NXPE2: variants seen among roughly 807,000 people sequenced by gnomAD.
NXPE2 encodes neurexophilin and PC-esterase domain family member 2, also known as NXPE family member 2.
NXPE2 carries 34 observed loss-of-function variants against 34.4 expected under a neutral mutation model. The ratio of observed to expected loss-of-function variants is 0.99; its 90% CI spans 0.75 to 1.31. The LOEUF is 1.31. Among genes scored for constraint, NXPE2 ranks in the 40% most tolerant of loss-of-function variants. The probability of loss-of-function intolerance (pLI) is 0.00; values close to 1 mark genes in which losing one functional copy is unlikely to be tolerated. For synonymous variants in NXPE2, 235 were observed against 231.3 expected (o/e 1.02, Z -0.15); for missense variants, 649 against 672.5 (o/e 0.97, Z 0.39).
the NXPE2 span, among the ~76,000 whole-genome samples, chr11:114,610,058 G>A: frequency 6.6e-6 from 1 of 151,762 alleles, no homozygotes; most frequent in East Asian, 2.0e-4. Context: ...TGGATAATAA[G>A]TCTTGCCTCA....
At chr11:114,465,490 G>C in the NXPE2 span, among the ~76,000 whole-genome samples, 1,184 of 152,248 alleles carry the variant, frequency 7.8e-3, 16 homozygotes, top group African/African-American at 0.027. Context: ...GATTATGAAG[G>C]AAGGGCATCA....
At chr11:114,572,944 T>A in the NXPE2 span, among the ~76,000 whole-genome samples, 5 of 152,002 alleles carry the variant, frequency 3.3e-5, no homozygotes, top group Admixed American at 6.6e-5. Context: ...AAGGAAAAAA[T>A]CTTAAGAGCT....
the NXPE2 span, among the ~76,000 whole-genome samples, chr11:114,651,521 G>A: frequency 6.6e-6 from 1 of 152,198 alleles, no homozygotes; most frequent in Admixed American, 6.5e-5. Context: ...GCCACAGCAT[G>A]GAAGAGAATC....
At chr11:114,696,331 C>CAA (rs1283265356) in intron 2 of NXPE2, among the ~76,000 whole-genome samples, 3 of 20,066 alleles carry the variant, frequency 1.5e-4, no homozygotes, top group Admixed American at 7.1e-4. Context: ...GACTCCATAT[C>CAA]AAAAAAACCA....
the NXPE2 span, among the ~76,000 whole-genome samples, chr11:114,634,286 C>A: frequency 2.6e-5 from 4 of 152,080 alleles, no homozygotes; most frequent in African/African-American, 9.6e-5. Context: ...TGTTCATGTC[C>A]TTTGCCCACT....
chr11:114,579,456 G>A, the NXPE2 span, among the ~76,000 whole-genome samples: 1 of 152,154 alleles, frequency 6.6e-6, no homozygotes, highest in Non-Finnish European at 1.5e-5. Flanking sequence ...CATGCCCAAA[G>A]TCATTGTTTC....
the NXPE2 span, among the ~76,000 whole-genome samples, chr11:114,666,728 C>T: frequency 6.6e-6 from 1 of 152,018 alleles, no homozygotes; most frequent in Admixed American, 6.6e-5. Flanking sequence ...CTGGCATATG[C>T]ATGTGAGAAG....
At chr11:114,711,139 T>C (rs1451166084), downstream of NXPE2, among the ~76,000 whole-genome samples, 1 of 152,080 alleles carries the variant, frequency 6.6e-6, no homozygotes, top group Non-Finnish European at 1.5e-5. Flanking sequence ...TAATACCATA[T>C]GCAACTAGGA....
the NXPE2 span, among the ~76,000 whole-genome samples, chr11:114,654,474 C>G: frequency 6.6e-6 from 1 of 152,128 alleles, no homozygotes; most frequent in Non-Finnish European, 1.5e-5. Context: ...CTCCCCTCAC[C>G]ACCCCAACCC....
At chr11:114,794,572 T>G in the NXPE2 span, among the ~76,000 whole-genome samples, 1 of 152,098 alleles carries the variant, frequency 6.6e-6, no homozygotes, top group East Asian at 1.9e-4. Context: ...GAACCAGGCT[T>G]GAAAAATAAA....
the NXPE2 span, among the ~76,000 whole-genome samples, chr11:114,750,043 A>G: frequency 6.6e-6 from 1 of 152,168 alleles, no homozygotes; most frequent in African/African-American, 2.4e-5. Flanking sequence ...ACCCAGGCTC[A>G]GACCCAAGTG....
the NXPE2 span, among the ~76,000 whole-genome samples, chr11:114,485,134 C>G: frequency 5.3e-5 from 8 of 152,116 alleles, no homozygotes; most frequent in African/African-American, 1.9e-4. Context: ...TTAAACACAT[C>G]AGGGTAAAAG....
the NXPE2 span, among the ~76,000 whole-genome samples, chr11:114,573,450 C>T: frequency 5.3e-5 from 7 of 132,930 alleles, no homozygotes; most frequent in Non-Finnish European, 1.1e-4. Context: ...CAAGTTTCTG[C>T]TGTCTTCAGG....
the NXPE2 span, among the ~76,000 whole-genome samples, chr11:114,555,892 A>G: frequency 1.3e-5 from 2 of 152,194 alleles, no homozygotes; most frequent in African/African-American, 4.8e-5. Flanking sequence ...ATATCTCATA[A>G]TATCTATTCC....
At chr11:114,515,051 G>A in the NXPE2 span, among the ~76,000 whole-genome samples, 2,649 of 151,848 alleles carry the variant, frequency 0.017, 57 homozygotes, top group African/African-American at 0.057. Context: ...TATTTACATT[G>A]TTTTCCCTTT....
the NXPE2 span, among the ~76,000 whole-genome samples, chr11:114,809,144 C>T: frequency 6.6e-6 from 1 of 152,086 alleles, no homozygotes; most frequent in Non-Finnish European, 1.5e-5. Context: ...AATTCAACAA[C>T]CCTTCATGCT....
the NXPE2 span, among the ~76,000 whole-genome samples, chr11:114,645,282 C>T: frequency 0.065 from 9,850 of 152,116 alleles, 335 homozygotes; most frequent in South Asian, 0.1. Context: ...GCCTGGGTGA[C>T]AGAGTGAGAC....
At chr11:114,585,889 C>T in the NXPE2 span, among the ~76,000 whole-genome samples, 1 of 152,130 alleles carries the variant, frequency 6.6e-6, no homozygotes, top group Non-Finnish European at 1.5e-5. Context: ...CAGGCATGTT[C>T]AACATGGAGG....
chr11:114,634,480 T>C, the NXPE2 span, among the ~76,000 whole-genome samples: 12 of 152,118 alleles, frequency 7.9e-5, no homozygotes, highest in African/African-American at 2.9e-4. Flanking sequence ...AGATCCCACT[T>C]GTCAATTTTG....
Sources: gnomAD v4.1 joint callset for allele counts (sites outside exome capture counted in the v4.1 genomes callset) on GRCh38, gnomAD v4.1.1 for gene constraint, MANE v1.5 for transcripts, NCBI Gene and HGNC (gene_info 2026-07-23, HGNC 2026-07-21) for gene names.